Variants in FHIP1A observed in about 807,000 individuals in gnomAD.
FHIP1A encodes the protein FHF complex subunit HOOK interacting protein 1A, also known as FHF complex subunit HOOK-interacting protein 1A.
Under a neutral mutation model 88.6 loss-of-function variants are expected in FHIP1A, and 61 were observed. The observed-to-expected ratio is 0.69, with a 90% CI of 0.56 to 0.85. The LOEUF is 0.85. Among genes scored for constraint, FHIP1A ranks in the 40% least tolerant of loss-of-function variants. The pLI is 0.00. For synonymous variants in FHIP1A, 478 were observed against 496.0 expected (o/e 0.96, Z 0.48); for missense variants, 1,154 against 1,273.5 (o/e 0.91, Z 1.43).
At chr4:151,596,137 T>G (rs1043798071) in intron 7 of FHIP1A, among the ~76,000 whole-genome samples, 1 of 152,216 alleles carries the variant, frequency 6.6e-6, no homozygotes, top group Non-Finnish European at 1.5e-5. Context: ...CTTTATAATT[T>G]GGTATGTTTC....
intron 4 of FHIP1A, among the ~76,000 whole-genome samples, chr4:151,572,091 C>T (rs1320988262): frequency 6.6e-6 from 1 of 152,204 alleles, no homozygotes; most frequent in Non-Finnish European, 1.5e-5. Context: ...CCTGTAATCC[C>T]AGCTACTTGG....
intron 7 of FHIP1A, among the ~76,000 whole-genome samples, chr4:151,607,788 G>T (rs1292141551): frequency 1.3e-5 from 2 of 151,958 alleles, no homozygotes; most frequent in Non-Finnish European, 2.9e-5. Flanking sequence ...CATTGTCTCT[G>T]GCACTTAGTG....
intron 7 of FHIP1A, among the ~76,000 whole-genome samples, chr4:151,600,451 T>C (rs1191277859): frequency 6.6e-6 from 1 of 151,412 alleles, no homozygotes; most frequent in Non-Finnish European, 1.5e-5. Flanking sequence ...CCAGAAGGAA[T>C]AGATGGCATT....
intron 2 of FHIP1A, among the ~76,000 whole-genome samples, chr4:151,462,911 A>G (rs1729189438): frequency 6.6e-6 from 1 of 152,162 alleles, no homozygotes; most frequent in Non-Finnish European, 1.5e-5. Flanking sequence ...TTTATGCGGA[A>G]TTACATGGAG....
rs180792238 is a variant in FHIP1A, at chr4:151,494,526, T to C, written c.-123+11878T>C. On this transcript the variant is annotated intron_variant, in intron 3 of 13. Coordinates refer to ENST00000435205, the MANE Select transcript of FHIP1A (RefSeq NM_001109977.3). ...TAGGCTCTCTATTCTGTTCCATTGC[T>C]CTATGGTCTGTTTTTGTACTAGTAC... Among the ~76,000 whole-genome samples the C allele has an allele frequency of 5.4e-3, 818 of 152,260 alleles. 3 individuals are homozygous for C. Among genetic ancestry groups the C allele is most frequent in the Non-Finnish European group, 8.6e-3 (586 of 68,002 alleles).
At chr4:151,448,086 AT>A (rs1188588074) in intron 1 of FHIP1A, among the ~76,000 whole-genome samples, 345 of 143,214 alleles carry the variant, frequency 2.4e-3, no homozygotes, top group Middle Eastern at 3.6e-3. Flanking sequence ...TTTTTTTGGT[AT>A]TTTTTTTTTT....
At chr4:151,513,953 C>T (rs12499102) in intron 3 of FHIP1A, among the ~76,000 whole-genome samples, 1 of 150,240 alleles carries the variant, frequency 6.7e-6, no homozygotes, top group Admixed American at 6.6e-5. Flanking sequence ...CCAAGCGGAC[C>T]TAATAGACAT....
At chr4:151,610,806 C>G (rs1735294051) in intron 7 of FHIP1A, among the ~76,000 whole-genome samples, 1 of 152,198 alleles carries the variant, frequency 6.6e-6, no homozygotes, top group South Asian at 2.1e-4. Flanking sequence ...CTTCACTTCT[C>G]TAGAGTTTGC....
At chr4:151,631,394 A>G (rs1736153856) in intron 8 of FHIP1A, among the ~76,000 whole-genome samples, 1 of 152,184 alleles carries the variant, frequency 6.6e-6, no homozygotes, top group African/African-American at 2.4e-5. Flanking sequence ...TTCTAGAAAG[A>G]CACAAACTTA....
intron 7 of FHIP1A, among the ~76,000 whole-genome samples, chr4:151,595,533 A>G (rs1031471128): frequency 7.9e-5 from 12 of 152,150 alleles, no homozygotes; most frequent in African/African-American, 2.7e-4. Context: ...GATGTCTATT[A>G]GGTCTGCTTG....
At chr4:151,557,954 A>C (rs1416901415) in intron 3 of FHIP1A, among the ~76,000 whole-genome samples, 1 of 152,174 alleles carries the variant, frequency 6.6e-6, no homozygotes, top group African/African-American at 2.4e-5. Flanking sequence ...ATGTTGTTCT[A>C]TATATAAGGG....
chr4:151,616,018 T>C (rs547251857), intron 7 of FHIP1A, among the ~76,000 whole-genome samples: 1 of 152,218 alleles, frequency 6.6e-6, no homozygotes, highest in African/African-American at 2.4e-5. Flanking sequence ...TGCCCGTGTG[T>C]TGCCATGAGT....
At chr4:151,421,721 A>T (rs1055874321) in intron 1 of FHIP1A, among the ~76,000 whole-genome samples, 2 of 151,804 alleles carry the variant, frequency 1.3e-5, no homozygotes, top group Non-Finnish European at 1.5e-5. Flanking sequence ...GACCTCTCTT[A>T]CTTTTTTCTT....
rs907894728 is a variant in FHIP1A at position 151,669,338 on chromosome 4, A to G, written c.*6584A>G. 6.6e-6 allele frequency among the ~76,000 whole-genome samples: 1 copy of G among 152,254 alleles called. No individual in the cohort carries two copies. Among genetic ancestry groups the G allele is most frequent in the Non-Finnish European group, 1.5e-5 (1 of 68,048 alleles). On this transcript the variant is annotated 3_prime_UTR_variant, in exon 14 of 14. Transcript: ENST00000435205. ...TTAACAAGGGCATCTTCCTCTGGGA[A>G]TAATCAGTCCTTAATACAGTTTGCA...
chr4:151,427,471 C>T (rs950722331), intron 1 of FHIP1A, among the ~76,000 whole-genome samples: 9 of 151,972 alleles, frequency 5.9e-5, no homozygotes, highest in African/African-American at 1.7e-4. Flanking sequence ...TTTATGTTTG[C>T]GCTGAGCTGT....
At chr4:151,658,061 C>T (rs1345685776) in intron 13 of FHIP1A, among the ~76,000 whole-genome samples, 3 of 152,082 alleles carry the variant, frequency 2.0e-5, no homozygotes, top group African/African-American at 4.8e-5. Flanking sequence ...AGCGAGGAGT[C>T]GGGCTTTGAG....
chr4:151,413,871 A>T (rs1004610741), intron 1 of FHIP1A, among the ~76,000 whole-genome samples: 1 of 152,170 alleles, frequency 6.6e-6, no homozygotes, highest in African/African-American at 2.4e-5. Context: ...AGGTGAGGAA[A>T]TTGAGGTGTA....
chr4:151,582,406 C>A (rs1041494121), intron 5 of FHIP1A, among the ~76,000 whole-genome samples: 1 of 151,430 alleles, frequency 6.6e-6, no homozygotes, highest in Non-Finnish European at 1.5e-5. Context: ...CATTTCTGTG[C>A]GTAAAACATT....
intron 4 of FHIP1A, among the ~76,000 whole-genome samples, chr4:151,569,880 G>T (rs1013215446): frequency 6.6e-6 from 1 of 152,098 alleles, no homozygotes; most frequent in Non-Finnish European, 1.5e-5. Context: ...ACTGCTTCTG[G>T]GTCCAGTGAT....
Sources: gnomAD v4.1 joint callset for allele counts (sites outside exome capture counted in the v4.1 genomes callset) on GRCh38, gnomAD v4.1.1 for gene constraint, MANE v1.5 for transcripts, NCBI Gene and HGNC (gene_info 2026-07-23, HGNC 2026-07-21) for gene names.